ADGRE2: variants seen among roughly 807,000 people sequenced by gnomAD.
The protein encoded by ADGRE2 is CD97 antigen.
Under a neutral mutation model 100.8 loss-of-function variants are expected in ADGRE2, and 83 were observed. That is an observed-to-expected ratio of 0.82 (90% CI 0.69 to 0.99). The LOEUF (loss-of-function observed/expected upper bound fraction) is 0.99. Ranked by LOEUF, ADGRE2 falls within the 50% of genes least tolerant of loss-of-function variation. The pLI is 0.00. For synonymous variants in ADGRE2, 355 were observed against 413.0 expected (o/e 0.86, Z 1.70); for missense variants, 814 against 1,035.7 (o/e 0.79, Z 2.94).
Position 14,743,546 on chromosome 19 carries a change from G to A in ADGRE2, c.2353-16C>T, listed in dbSNP as rs59052512. The A allele has an allele frequency of 0.018, 29,114 of 1,613,654 alleles. 4,607 individuals carry two copies. The African/African-American group carries it at 0.34, about 19-fold the overall frequency. The stretch of plus-strand genomic sequence containing the variant: ...GCTCCCGGACCTGCAGAGGCAAAGT[G>A]TGTACTGGGTCAGCTCACAGAGAGC... On this transcript the variant is annotated splice_polypyrimidine_tract_variant and intron_variant, in intron 19 of 20. Transcript: ENST00000315576.
intron 11 of ADGRE2, among the ~76,000 whole-genome samples, chr19:14,759,553 G>C (rs1187538222): frequency 6.7e-6 from 1 of 148,202 alleles, no homozygotes; most frequent in South Asian, 2.1e-4. Flanking sequence ...CTGGAGTGCA[G>C]TGGCACGATC....
At chr19:14,750,340 A>G (rs1248081750) in intron 16 of ADGRE2, among the ~76,000 whole-genome samples, 2 of 151,068 alleles carry the variant, frequency 1.3e-5, no homozygotes, top group Non-Finnish European at 2.9e-5. Flanking sequence ...TATGCTTCGG[A>G]AAAGCATTTG....
Position 14,743,793 on chromosome 19 carries a change from A to C in ADGRE2, c.2184-9T>G. The C allele has an allele frequency of 6.2e-7, 1 of 1,613,410 alleles. No individual in the cohort carries two copies. The highest frequency in any genetic ancestry group is 8.5e-7 in the Non-Finnish European group (1 of 1,179,524). On this transcript the variant is annotated splice_polypyrimidine_tract_variant and intron_variant, in intron 18 of 20. Transcript: ENST00000315576. ...CTTTAAATGCCAGCATCCTGGATTG[A>C]GTAAGAAAGGAGGCTGGTGATGCAC...
the ADGRE2 span, among the ~76,000 whole-genome samples, chr19:14,726,700 G>A: frequency 1.2e-4 from 18 of 152,302 alleles, no homozygotes; most frequent in South Asian, 2.3e-3. Context: ...TAGACGCAAT[G>A]CTGCCAGGTC....
chr19:14,757,491 C>T (rs1198242665), intron 11 of ADGRE2, among the ~76,000 whole-genome samples: 1 of 152,180 alleles, frequency 6.6e-6, no homozygotes, highest in Non-Finnish European at 1.5e-5. Context: ...TACAAACTGA[C>T]AGTAATACTG....
chr19:14,744,883 A>T (rs2043039778), intron 18 of ADGRE2, among the ~76,000 whole-genome samples: 1 of 148,776 alleles, frequency 6.7e-6, no homozygotes, highest in South Asian at 2.1e-4. Context: ...AAGAAAATGT[A>T]CGTGTTCTTT....
At chr19:14,776,567 C>T (rs2044447895) in intron 2 of ADGRE2, 159 bp downstream of exon 2, 6 of 831,292 alleles carry the variant, frequency 7.2e-6, no homozygotes, top group African/African-American at 1.7e-5. Context: ...CACCACCAGC[C>T]CCTCTCGCCG....
chr19:14,771,621 C>CTTATTTATTTA (rs2044210335), intron 5 of ADGRE2, among the ~76,000 whole-genome samples: 1 of 143,504 alleles, frequency 7.0e-6, no homozygotes, highest in Non-Finnish European at 1.5e-5. Context: ...GCATCCATTG[C>CTTATTTATTTA]TTATTTATTT....
At chr19:14,730,903 T>G (rs2042665784), downstream of ADGRE2, among the ~76,000 whole-genome samples, 1 of 151,994 alleles carries the variant, frequency 6.6e-6, no homozygotes, top group South Asian at 2.1e-4. Flanking sequence ...GGTGAGAACA[T>G]GCGGTATTTG....
At position 14,755,144 on chromosome 19, in the gene ADGRE2, C is replaced by G. The variant is rs756005429; in HGVS notation, c.1417-17G>C. Reference sequence around the variant, plus strand: ...GATCACTGACTGCAGGAACAGAACACAGGTGTGGGCTGGGCATGGTGGCTC... The same window carrying G: ...GATCACTGACTGCAGGAACAGAACAGAGGTGTGGGCTGGGCATGGTGGCTC... On this transcript the variant is annotated splice_polypyrimidine_tract_variant and intron_variant, in intron 13 of 20. Transcript: ENST00000315576. 2 of 1,608,960 alleles carry G rather than the reference C, an allele frequency of 1.2e-6. No homozygotes were observed. The highest frequency in any genetic ancestry group is 1.7e-6 in the Non-Finnish European group (2 of 1,176,050).
intron 11 of ADGRE2, among the ~76,000 whole-genome samples, chr19:14,760,069 C>A (rs570529776): frequency 6.6e-6 from 1 of 151,666 alleles, no homozygotes; most frequent in East Asian, 1.9e-4. Context: ...CCTCCCACCT[C>A]GGCCTCCCAA....
chr19:14,756,259 C>A lies in ADGRE2; in HGVS notation c.1171G>T (p.Ala391Ser), dbSNP rs775300785. ...TTACCTGGGTCACCAGATTTCTGTG[C>A]CTGATTCCAGTCGAGCTGCATCACT... ...QAVMQLDWNQAQKSGDPGPSV... is the reference protein window; with the variant it reads ...QAVMQLDWNQSQKSGDPGPSV... The change falls in exon 12 of 21, where the codon GCA (alanine) becomes TCA (serine). Residue 391 changes from alanine to serine, a missense_variant. Ala to Ser is a moderately conservative substitution (Grantham distance 99). Transcript: ENST00000315576. The A allele has an allele frequency of 3.7e-6, 6 of 1,614,002 alleles. No individual in the cohort carries two copies. Among genetic ancestry groups the A allele is most frequent in the Non-Finnish European group, 5.1e-6 (6 of 1,179,926 alleles).
downstream of ADGRE2, among the ~76,000 whole-genome samples, chr19:14,729,154 A>T (rs2147048060): frequency 6.6e-6 from 1 of 152,202 alleles, no homozygotes; most frequent in South Asian, 2.1e-4. Flanking sequence ...GCATAGAGAC[A>T]AGGAAGTTAA....
In ADGRE2 at chr19:14,777,944, G is replaced by A. The variant is rs146676291; in HGVS notation, c.-172+313C>T. ...GGTCTTTGCTATTGTGAATAGTACC[G>A]CAATAAACATACATGTGCATATGTC... is the stretch of plus-strand genomic sequence containing the variant. On this transcript the variant is annotated intron_variant, in intron 1 of 20. Coordinates refer to ENST00000315576, the MANE Select transcript of ADGRE2 (RefSeq NM_013447.4). Among the ~76,000 whole-genome samples the A allele has an allele frequency of 1.6e-4, 25 of 152,180 alleles. No individual in the cohort carries two copies. In the East Asian group the frequency reaches 2.7e-3, roughly 16 times the overall value.
intron 7 of ADGRE2, 60 bp downstream of exon 7, chr19:14,766,173 GCC>G (rs757740301): frequency 9.3e-6 from 15 of 1,611,660 alleles, no homozygotes; most frequent in Middle Eastern, 3.3e-4. Flanking sequence ...TTGTGTGGGC[GCC>G]GTTGAACATG....
chr19:14,765,812 C>G lies in ADGRE2; in HGVS notation c.635-8G>C. On this transcript the variant is annotated splice_region_variant and splice_polypyrimidine_tract_variant and intron_variant, in intron 7 of 20. Transcript: ENST00000315576. Reference sequence around the variant, plus strand: ...AGCTGCACTCGTCCACATCTGAGGACAGGAAGAAGGGGGTCAGGTCCTGTC... The same window carrying G: ...AGCTGCACTCGTCCACATCTGAGGAGAGGAAGAAGGGGGTCAGGTCCTGTC... The G allele has an allele frequency of 6.2e-7, 1 of 1,612,222 alleles. No individual in the cohort carries two copies. The highest frequency in any genetic ancestry group is 8.5e-7 in the Non-Finnish European group (1 of 1,178,598).
intron 20 of ADGRE2, among the ~76,000 whole-genome samples, chr19:14,737,450 T>C (rs1216164853): frequency 3.9e-5 from 6 of 152,082 alleles, no homozygotes; most frequent in Non-Finnish European, 8.8e-5. Context: ...CATCTCAACC[T>C]CCCAAAAATG....
chr19:14,741,642 A>AT lies in ADGRE2; in HGVS notation c.2463+1777dup, dbSNP rs966185153. Reference sequence around the variant, plus strand: ...CAGTCGCCCACCACCACGCCTGGCTATTTTTTTTTTTTTTTTGTATTTTTA... The same window carrying AT: ...CAGTCGCCCACCACCACGCCTGGCTATTTTTTTTTTTTTTTTTGTATTTTTA... On this transcript the variant is annotated intron_variant, in intron 20 of 20. Transcript: ENST00000315576. 7.3e-3 allele frequency: 913 copies of AT among 125,008 alleles called. 15 individuals carry two copies. Among genetic ancestry groups the AT allele is most frequent in the Non-Finnish European group, 9.7e-3 (590 of 61,010 alleles). The allele number at this position is 125,008 out of a possible 1,614,324, so 7.7% of individuals were successfully genotyped here. A position where few individuals can be genotyped will look rare whatever the true frequency, so the allele number is the denominator to read the frequency against.
At chr19:14,778,058 A>G (rs2044495791) in intron 1 of ADGRE2, among the ~76,000 whole-genome samples, 199 bp downstream of exon 1, 1 of 152,210 alleles carries the variant, frequency 6.6e-6, no homozygotes. Flanking sequence ...TGGATCCTTG[A>G]GAAATCACCA....
Sources: allele counts gnomAD v4.1 joint callset (sites outside exome capture counted in the v4.1 genomes callset), GRCh38; gene constraint gnomAD v4.1.1; transcripts MANE v1.5; gene names NCBI Gene and HGNC (gene_info 2026-07-23, HGNC 2026-07-21).